The following MED13 variants were observed in gnomAD, a reference collection of about 807,000 sequenced individuals.
MED13 encodes the protein mediator of RNA polymerase II transcription subunit 13.
In MED13, 23 loss-of-function variants were observed where a neutral mutation model predicts 225.2. The ratio of observed to expected loss-of-function variants is 0.10; its 90% CI spans 0.07 to 0.14. The LOEUF (loss-of-function observed/expected upper bound fraction) is 0.14. Ranked by LOEUF, MED13 falls within the 10% of genes least tolerant of loss-of-function variation. The probability of loss-of-function intolerance (pLI) is 1.00; values close to 1 mark genes in which losing one functional copy is unlikely to be tolerated. For synonymous variants in MED13, 942 were observed against 889.2 expected (o/e 1.06, Z -1.06); for missense variants, 2,197 against 2,594.5 (o/e 0.85, Z 3.33).
At chr17:62,064,210 A>G (rs1428843466) in intron 1 of MED13, among the ~76,000 whole-genome samples, 2 of 152,254 alleles carry the variant, frequency 1.3e-5, no homozygotes, top group Non-Finnish European at 2.9e-5. Flanking sequence ...ATGAAAAAGT[A>G]AAGTCACCCA....
rs1433614818 is a variant in MED13 at position 61,983,056 on chromosome 17, A to T, written c.2947T>A (p.Ser983Thr). 6.2e-7 allele frequency: 1 copy of T among 1,613,740 alleles called. No individual in the cohort carries two copies. Among genetic ancestry groups the T allele is most frequent in the Admixed American group, 1.7e-5 (1 of 59,990 alleles). ...GCACTGCTAGGAGGCATCCCAAAAG[A>T]AGTATGAGTTTGAGGTGTATAAGCA... ...GTAYTPQTHT[S>T]FGMPPSSAPP... is the part of the protein sequence containing the mutation. Residue 983 changes from serine (S) to threonine (T), a missense_variant, in exon 16 of 30, where the codon TCT becomes ACT. Transcript: ENST00000397786.
rs201171113 is a variant in MED13, at chr17:61,978,769, C to CT, written c.3805+3428dup. Reference sequence around the variant, plus strand: ...TCTATATGGCTTAAAATAATCTTTCCTTTTTTTTGAATACCTATGATATTT... The same window carrying CT: ...TCTATATGGCTTAAAATAATCTTTCCTTTTTTTTTGAATACCTATGATATTT... On this transcript the variant is annotated intron_variant, in intron 16 of 29. Transcript: ENST00000397786. Among the ~76,000 whole-genome samples the CT allele has an allele frequency of 8.6e-5, 13 of 151,956 alleles. No homozygotes were observed. In the South Asian group the frequency reaches 1.0e-3, roughly 12 times the overall value.
At chr17:61,955,624 C>A in intron 25 of MED13, 56 bp downstream of exon 25, 1 of 1,554,690 alleles carries the variant, frequency 6.4e-7, no homozygotes, top group Non-Finnish European at 8.6e-7. Context: ...GTATATAATA[C>A]TTAAAAACTT....
At chr17:61,967,961 G>T in intron 18 of MED13, 74 bp downstream of exon 18, 1 of 1,137,650 alleles carries the variant, frequency 8.8e-7, no homozygotes, top group Non-Finnish European at 1.3e-6. Context: ...CAACTGAACT[G>T]CCCAGTATGC....
At chr17:61,963,590 G>C (rs958940044) in intron 20 of MED13, among the ~76,000 whole-genome samples, 7 of 152,160 alleles carry the variant, frequency 4.6e-5, no homozygotes, top group African/African-American at 1.7e-4. Context: ...ACAGGCATGA[G>C]CCACTTCACC....
chr17:62,022,764 C>G (rs1037057230), intron 8 of MED13, among the ~76,000 whole-genome samples: 1 of 152,118 alleles, frequency 6.6e-6, no homozygotes, highest in Non-Finnish European at 1.5e-5. Context: ...AATCTCAGCA[C>G]TTTGGGAGGC....
chr17:62,060,513 A>G (rs1180842359), intron 2 of MED13, among the ~76,000 whole-genome samples: 1 of 151,116 alleles, frequency 6.6e-6, no homozygotes, highest in Non-Finnish European at 1.5e-5. Context: ...CCAGGTACTC[A>G]GGAGGCTGAG....
At chr17:61,994,471 A>AT (rs2080330571) in intron 10 of MED13, among the ~76,000 whole-genome samples, 1 of 152,180 alleles carries the variant, frequency 6.6e-6, no homozygotes, top group African/African-American at 2.4e-5. Context: ...AAAATAGCAC[A>AT]TATTTTTTAA....
intron 10 of MED13, among the ~76,000 whole-genome samples, chr17:61,994,622 A>C (rs1387274063): frequency 2.0e-5 from 3 of 152,224 alleles, no homozygotes; most frequent in African/African-American, 7.2e-5. Context: ...TCCAACCCAG[A>C]AACTTTTAAA....
intron 9 of MED13, among the ~76,000 whole-genome samples, chr17:62,002,489 CAA>C (rs35736875): frequency 1.2e-4 from 6 of 50,618 alleles, no homozygotes; most frequent in Non-Finnish European, 3.1e-4. Context: ...AACTCCATCT[CAA>C]AAAAAAAAAA....
chr17:61,951,099 G>A (rs1325532356), intron 27 of MED13, 101 bp from the exon 28 acceptor site: 1 of 853,338 alleles, frequency 1.2e-6, no homozygotes, highest in Non-Finnish European at 1.7e-6. Flanking sequence ...ATTATCTTAT[G>A]ACATCGATTT....
chr17:61,978,192 C>A (rs886357717), intron 16 of MED13, among the ~76,000 whole-genome samples: 5 of 151,770 alleles, frequency 3.3e-5, no homozygotes, highest in African/African-American at 1.2e-4. Context: ...CTCTTGTTGC[C>A]GGGCTGGAGC....
chr17:62,008,084 G>A (rs889215097), intron 9 of MED13, among the ~76,000 whole-genome samples: 5 of 149,530 alleles, frequency 3.3e-5, no homozygotes, highest in South Asian at 2.1e-4. Context: ...TTGGGAGGCC[G>A]GGGCGGGCGG....
At chr17:61,993,511 T>C (rs970744608) in intron 10 of MED13, among the ~76,000 whole-genome samples, 2 of 151,626 alleles carry the variant, frequency 1.3e-5, no homozygotes, top group Admixed American at 6.6e-5. Context: ...CGGTTCACGT[T>C]CTTTCTATTA....
intron 16 of MED13, among the ~76,000 whole-genome samples, chr17:61,977,652 C>T (rs901189889): frequency 1.3e-5 from 2 of 152,096 alleles, no homozygotes; most frequent in South Asian, 2.1e-4. Context: ...GGGGTTTTAC[C>T]GTGTTAGCCA....
chr17:62,042,307 T>C (rs1171698159), intron 3 of MED13, among the ~76,000 whole-genome samples: 3 of 152,134 alleles, frequency 2.0e-5, no homozygotes, highest in Admixed American at 2.0e-4. Context: ...CTGATGCCTG[T>C]AATCCCAACA....
At chr17:62,022,672 C>T (rs369115144) in intron 8 of MED13, among the ~76,000 whole-genome samples, 1 of 152,034 alleles carries the variant, frequency 6.6e-6, no homozygotes, top group East Asian at 1.9e-4. Context: ...AGATCTGAGG[C>T]ACATTAAGTG....
At chr17:61,998,596 C>CTTTTTTTTTTTTTT (rs58261678) in intron 9 of MED13, among the ~76,000 whole-genome samples, 1 of 115,542 alleles carries the variant, frequency 8.7e-6, no homozygotes, top group African/African-American at 3.5e-5. Context: ...TTCCCACCGC[C>CTTTTTTTTTTTTTT]TTTTTTTTTT....
chr17:61,975,803 G>A (rs1284484673), intron 16 of MED13, among the ~76,000 whole-genome samples: 1 of 152,102 alleles, frequency 6.6e-6, no homozygotes, highest in African/African-American at 2.4e-5. Context: ...GTCACCTGAG[G>A]TCAGGAGTTT....
Sources: gnomAD v4.1 joint callset for allele counts (sites outside exome capture counted in the v4.1 genomes callset) on GRCh38, gnomAD v4.1.1 for gene constraint, MANE v1.5 for transcripts, NCBI Gene and HGNC (gene_info 2026-07-23, HGNC 2026-07-21) for gene names.